Variants in DNMT3A observed in about 807,000 individuals in gnomAD.
DNMT3A encodes the protein DNA (cytosine-5)-methyltransferase 3A.
In DNMT3A, 267 loss-of-function variants were observed where a neutral mutation model predicts 117.6. The ratio of observed to expected loss-of-function variants is 2.27; its 90% CI spans 2.05 to 2.51. The LOEUF is 2.51. Ranked by LOEUF, DNMT3A falls within the 30% of genes most tolerant of loss-of-function variation. The pLI, the probability that DNMT3A is intolerant of heterozygous loss-of-function variation, is 0.00. For synonymous variants in DNMT3A, 432 were observed against 474.8 expected (o/e 0.91, Z 1.17); for missense variants, 1,029 against 1,260.2 (o/e 0.82, Z 2.78).
Position 25,314,005 on chromosome 2 carries a change from TGGGGCTGCGC to T in DNMT3A, c.-31_-22del. The T allele has an allele frequency of 6.5e-7, 1 of 1,533,572 alleles. No homozygotes were observed. The highest frequency in any genetic ancestry group is 8.8e-7 in the Non-Finnish European group (1 of 1,138,640). 95.0% of individuals were successfully genotyped at this position (1,533,572 alleles called of 1,614,324 possible). A position where few individuals can be genotyped will look rare whatever the true frequency, so the allele number is the denominator to read the frequency against. On this transcript the variant is annotated 5_prime_UTR_variant, in exon 2 of 23. Transcript: ENST00000321117. ...GGCATCTGGGCGCCGGGAGGCAGGC[TGGGGCTGCGC>T]GGGGCTGGGGGGCTGCTGGGCTTTG... is the stretch of plus-strand genomic sequence containing the variant.
At chr2:25,333,658 G>T (rs1000150351) in intron 1 of DNMT3A, among the ~76,000 whole-genome samples, 1 of 152,164 alleles carries the variant, frequency 6.6e-6, no homozygotes, top group Non-Finnish European at 1.5e-5. Context: ...GAGCAGCAGG[G>T]CCTTACAGAG....
At chr2:25,260,513 A>C (rs1676510155) in intron 6 of DNMT3A, among the ~76,000 whole-genome samples, 1 of 152,064 alleles carries the variant, frequency 6.6e-6, no homozygotes, top group South Asian at 2.1e-4. Context: ...AACAGCATCT[A>C]GCGTCAAATA....
In DNMT3A at chr2:25,247,077, G is replaced by A. The variant is rs1674895942; in HGVS notation, c.1096C>T (p.Arg366Cys). The A allele has an allele frequency of 1.2e-6, 2 of 1,614,070 alleles. No homozygotes were observed. The highest frequency in any genetic ancestry group is 1.7e-6 in the Non-Finnish European group (2 of 1,179,980). ...QATYNKQPMY[R>C]KAIYEVLQVA... is the part of the protein sequence containing the mutation. ...TGCAGGACCTCGTAGATGGCTTTGCGGTACATGGGCTGCTTGTTGTACGTG... is the reference window on the plus strand; with the variant it reads ...TGCAGGACCTCGTAGATGGCTTTGCAGTACATGGGCTGCTTGTTGTACGTG... The change falls in exon 9 of 23, where the codon CGC becomes TGC. Residue 366 changes from arginine to cysteine, a missense_variant. Arg to Cys is a radical substitution (Grantham distance 180, BLOSUM62 -3). Transcript: ENST00000321117. The surrounding 1 kb of genome is among the most constrained non-coding windows in gnomAD (Gnocchi z 5.6).
At position 25,339,290 on chromosome 2, in the gene DNMT3A, A is replaced by T. The variant is rs2035326591; in HGVS notation, c.-178+2536T>A. On this transcript the variant is annotated intron_variant, in intron 1 of 22. Coordinates refer to ENST00000321117, the MANE Select transcript of DNMT3A (RefSeq NM_022552.5). The surrounding 1 kb of genome is among the most constrained non-coding windows in gnomAD (Gnocchi z 4.9). ...CCACAGAGGAATCCTGTCCGCAGAC[A>T]CCCTGACAGATGGCTGCTGGCGTCC... 6.6e-6 allele frequency among the ~76,000 whole-genome samples: 1 copy of T among 152,090 alleles called. No individual in the cohort carries two copies. Among genetic ancestry groups the T allele is most frequent in the Non-Finnish European group, 1.5e-5 (1 of 68,014 alleles).
intron 1 of DNMT3A, among the ~76,000 whole-genome samples, chr2:25,325,872 TAAC>T (rs1243406437): frequency 6.6e-6 from 1 of 152,150 alleles, no homozygotes; most frequent in Non-Finnish European, 1.5e-5. Flanking sequence ...AAAGTTATGG[TAAC>T]AACAACAAAA....
At chr2:25,302,475 C>T (rs1032968013) in intron 2 of DNMT3A, among the ~76,000 whole-genome samples, 3 of 152,152 alleles carry the variant, frequency 2.0e-5, no homozygotes, top group African/African-American at 4.8e-5. Flanking sequence ...AGCCCCGTGC[C>T]GTCTGTGGAG....
rs2033791787 is a variant in DNMT3A at position 25,306,532 on chromosome 2, G to A, written c.73-6289C>T. On this transcript the variant is annotated intron_variant, in intron 2 of 22. Transcript: ENST00000321117. The surrounding 1 kb of genome is among the most constrained non-coding windows in gnomAD (Gnocchi z 4.1). ...AGCTCCTGGGTACTTGCACACAGAG[G>A]TGTTCCAGAAATGCTAAATAGCTGA... 6.6e-6 allele frequency among the ~76,000 whole-genome samples: 1 copy of A among 152,204 alleles called. No homozygotes were observed. The highest frequency in any genetic ancestry group is 1.5e-5 in the Non-Finnish European group (1 of 68,050).
At chr2:25,238,497 C>T (rs1035576883) in intron 20 of DNMT3A, among the ~76,000 whole-genome samples, 6 of 152,188 alleles carry the variant, frequency 3.9e-5, no homozygotes, top group Non-Finnish European at 7.3e-5. Context: ...TCTCAGCATG[C>T]TTTTGAATTG....
chr2:25,246,613 C>T lies in DNMT3A; in HGVS notation c.1279+7G>A, dbSNP rs1573335867. The T allele has an allele frequency of 6.2e-7, 1 of 1,606,906 alleles. No individual in the cohort carries two copies. The highest frequency in any genetic ancestry group is 2.2e-5 in the East Asian group (1 of 44,734). On this transcript the variant is annotated splice_region_variant and intron_variant, in intron 10 of 22. Transcript: ENST00000321117. ...GGGGTCCCAGAAAGCTGGGTGCCCT[C>T]ATTTACCTTCTGGTGGCTCCAGGCC...
rs970168545 is a variant in DNMT3A, at chr2:25,293,012, A to G, written c.177+7127T>C. ...AAATAAACAGAGGGATTATTTTTGG[A>G]AAAAAAAAAAAAGGAGATTCTGAGA... On this transcript the variant is annotated intron_variant, in intron 3 of 22. Coordinates refer to ENST00000321117, the MANE Select transcript of DNMT3A (RefSeq NM_022552.5). This position sits in a 1 kb window ranked among gnomAD's most constrained non-coding sequence, Gnocchi z 4.7. 6.2e-5 allele frequency among the ~76,000 whole-genome samples: 9 copies of G among 144,340 alleles called. No homozygotes were observed. The South Asian group carries it at 6.5e-4, about 10-fold the overall frequency. The allele number at this position is 144,340 out of a possible 152,430, so 94.7% of individuals were successfully genotyped here. A position where few individuals can be genotyped will look rare whatever the true frequency, so the allele number is the denominator to read the frequency against.
At chr2:25,297,510 T>G (rs886732081) in intron 3 of DNMT3A, among the ~76,000 whole-genome samples, 16 of 147,550 alleles carry the variant, frequency 1.1e-4, no homozygotes, top group Non-Finnish European at 2.1e-4. Context: ...CTGCATTGTT[T>G]TTTTTTTTTT....
At chr2:25,340,972 G>C (rs2035404067) in intron 1 of DNMT3A, among the ~76,000 whole-genome samples, 1 of 145,514 alleles carries the variant, frequency 6.9e-6, no homozygotes, top group East Asian at 2.1e-4. Flanking sequence ...GGGAGGAGCC[G>C]GGCACGACCA....
intron 4 of DNMT3A, among the ~76,000 whole-genome samples, chr2:25,276,983 G>A (rs2149369379): frequency 6.6e-6 from 1 of 151,758 alleles, no homozygotes; most frequent in Admixed American, 6.5e-5. Context: ...GGGCGCCCAG[G>A]ACAGCGCTGT....
In DNMT3A at chr2:25,294,196, C is replaced by G. The variant is rs1471217213; in HGVS notation, c.177+5943G>C. Reference sequence around the variant, plus strand: ...TCAAGCCCCACCTCCTCCATCTTCCCTGGCTTCCCCGGCATCCTTAGGAGT... The same window carrying G: ...TCAAGCCCCACCTCCTCCATCTTCCGTGGCTTCCCCGGCATCCTTAGGAGT... On this transcript the variant is annotated intron_variant, in intron 3 of 22. Transcript: ENST00000321117. This position sits in a 1 kb window ranked among gnomAD's most constrained non-coding sequence, Gnocchi z 4.7. 6.6e-6 allele frequency among the ~76,000 whole-genome samples: 1 copy of G among 152,190 alleles called. No homozygotes were observed. The highest frequency in any genetic ancestry group is 2.4e-5 in the African/African-American group (1 of 41,444).
chr2:25,307,883 A>G (rs2033869979), intron 2 of DNMT3A, among the ~76,000 whole-genome samples: 3 of 152,194 alleles, frequency 2.0e-5, no homozygotes, highest in South Asian at 4.1e-4. Flanking sequence ...GAGGGACCCA[A>G]GTGACTGTGG....
chr2:25,300,237 C>T lies in DNMT3A; in HGVS notation c.79G>A (p.Glu27Lys). The T allele has an allele frequency of 6.2e-7, 1 of 1,606,680 alleles. No individual in the cohort carries two copies. Among genetic ancestry groups the T allele is most frequent in the Non-Finnish European group, 8.5e-7 (1 of 1,179,924 alleles). Reference protein sequence around the residue: ...AEREEDRKDGEEQEEPRGKEE... With the variant: ...AEREEDRKDGKEQEEPRGKEE... ...TTGCCACGCGGCTCCTCCTGCTCCTCTCCGTCCTGCAGGCACAGACACAGC... is the reference window on the plus strand; with the variant it reads ...TTGCCACGCGGCTCCTCCTGCTCCTTTCCGTCCTGCAGGCACAGACACAGC... Residue 27 changes from glutamate to lysine, a missense_variant, in exon 3 of 23, where the codon GAG (glutamate) becomes AAG (lysine). Physicochemically the swap from Glu to Lys is moderately conservative, Grantham distance 56 (BLOSUM62 1). Coordinates refer to ENST00000321117, the MANE Select transcript of DNMT3A (RefSeq NM_022552.5).
At position 25,300,193 on chromosome 2, in the gene DNMT3A, G is replaced by C. The variant is rs1329302558; in HGVS notation, c.123C>G (p.Pro41=). 1 of 1,612,470 alleles carries C rather than the reference G, an allele frequency of 6.2e-7. No individual in the cohort carries two copies. Among genetic ancestry groups the C allele is most frequent in the East Asian group, 2.2e-5 (1 of 44,870 alleles). Residue 41 remains proline (P), a synonymous_variant, in exon 3 of 23, where the codon CCC becomes CCG. Transcript: ENST00000321117. ...GCCCCACCTTCCGTGCCGTGGTGCT[G>C]GGCTCTTGGCGCTCCTCCTTGCCAC... ...EPRGKEERQE[P]STTARKVGRP...
In DNMT3A at chr2:25,313,768, A is replaced by G. The variant is rs112715583; in HGVS notation, c.72+145T>C. On this transcript the variant is annotated intron_variant, in intron 2 of 22. Coordinates refer to ENST00000321117, the MANE Select transcript of DNMT3A (RefSeq NM_022552.5). ...CAAGCCTCCGTTTCCTCATCACCCA[A>G]ACAGGGATGTGATGGTCCCACACCC... is the stretch of plus-strand genomic sequence containing the variant. The G allele has an allele frequency of 6.3e-6, 8 of 1,269,378 alleles. No individual in the cohort carries two copies. The African/African-American group carries it at 7.6e-5, about 12-fold the overall frequency. The allele number at this position is 1,269,378 out of a possible 1,614,324, so 78.6% of individuals were successfully genotyped here.
Position 25,252,171 on chromosome 2 carries a change from C to T in DNMT3A, c.640-3919G>A. Reference sequence around the variant, plus strand: ...GCCGCCTCCCCGCCCCCGGTCTCCCCGGGGCTCCGTCCAGGAACCTACCCA... The same window carrying T: ...GCCGCCTCCCCGCCCCCGGTCTCCCTGGGGCTCCGTCCAGGAACCTACCCA... On this transcript the variant is annotated intron_variant, in intron 6 of 22. Transcript: ENST00000321117. The surrounding 1 kb of genome is among the most constrained non-coding windows in gnomAD (Gnocchi z 5.5). The T allele has an allele frequency of 1.9e-6, 3 of 1,560,468 alleles. No individual in the cohort carries two copies. The highest frequency in any genetic ancestry group is 2.4e-5 in the East Asian group (1 of 41,062).
Sources: allele counts gnomAD v4.1 joint callset (sites outside exome capture counted in the v4.1 genomes callset), GRCh38; gene constraint gnomAD v4.1.1; non-coding constraint Gnocchi (gnomAD v3.1); transcripts MANE v1.5; gene names NCBI Gene and HGNC (gene_info 2026-07-23, HGNC 2026-07-21).